The following FBXW11 variants were observed in gnomAD, a reference collection of about 807,000 sequenced individuals.
FBXW11 encodes the protein F-box and WD repeat domain containing 11.
In FBXW11, 19 loss-of-function variants were observed where a neutral mutation model predicts 77.6. That is an observed-to-expected ratio of 0.24 (90% CI 0.17 to 0.36). The LOEUF (loss-of-function observed/expected upper bound fraction) is 0.36, where lower values mean the gene tolerates loss of function less well. FBXW11 is among the 10% of genes least tolerant of loss of function. FBXW11 has a pLI of 1.00. For missense variants in FBXW11, 334 were observed against 704.2 expected (o/e 0.47, Z 5.95); for synonymous variants, 235 against 249.4 (o/e 0.94, Z 0.54).
chr5:171,958,399 CAAG>C (rs1221896268), intron 1 of FBXW11, among the ~76,000 whole-genome samples: 4 of 152,044 alleles, frequency 2.6e-5, no homozygotes. Flanking sequence ...GCAAAAAGAA[CAAG>C]AAAGATGGGT....
intron 7 of FBXW11, among the ~76,000 whole-genome samples, chr5:171,887,865 G>T (rs1759025057): frequency 6.6e-6 from 1 of 151,852 alleles, no homozygotes; most frequent in East Asian, 1.9e-4. Flanking sequence ...CACCATGTTG[G>T]CCAGGCTGGT....
intron 1 of FBXW11, among the ~76,000 whole-genome samples, chr5:171,998,991 G>A (rs1383466719): frequency 6.6e-6 from 1 of 152,038 alleles, no homozygotes; most frequent in Non-Finnish European, 1.5e-5. Flanking sequence ...TGTTCATATT[G>A]TAGGTAAGGC....
intron 7 of FBXW11, 72 bp downstream of exon 7, chr5:171,891,395 A>C: frequency 1.4e-6 from 2 of 1,386,506 alleles, no homozygotes; most frequent in Non-Finnish European, 1.9e-6. Flanking sequence ...GTAAATGGAA[A>C]GATTGTCACA....
intron 2 of FBXW11, among the ~76,000 whole-genome samples, chr5:171,951,642 C>A (rs1422427778): frequency 6.6e-6 from 1 of 152,046 alleles, no homozygotes; most frequent in Non-Finnish European, 1.5e-5. Context: ...AGGTGCATGC[C>A]ACCATACCTG....
At chr5:171,895,200 T>G (rs1235363308) in intron 6 of FBXW11, among the ~76,000 whole-genome samples, 1 of 152,192 alleles carries the variant, frequency 6.6e-6, no homozygotes, top group Non-Finnish European at 1.5e-5. Flanking sequence ...AGAGGAATAT[T>G]TCATGTTTTT....
chr5:171,903,159 C>T (rs566008028), intron 4 of FBXW11, among the ~76,000 whole-genome samples: 2 of 152,300 alleles, frequency 1.3e-5, no homozygotes, highest in South Asian at 4.1e-4. Flanking sequence ...TACAGTGGCA[C>T]AATCATGGCT....
At chr5:171,937,465 G>A (rs1390613049) in intron 2 of FBXW11, among the ~76,000 whole-genome samples, 4 of 152,124 alleles carry the variant, frequency 2.6e-5, no homozygotes, top group Admixed American at 1.3e-4. Flanking sequence ...CAACTCTTCT[G>A]TTATAGGATG....
At chr5:171,919,407 A>G (rs1044835097) in intron 2 of FBXW11, among the ~76,000 whole-genome samples, 4 of 152,216 alleles carry the variant, frequency 2.6e-5, no homozygotes, top group African/African-American at 9.6e-5. Context: ...ACTCCATCCC[A>G]ATATGTGATA....
At chr5:171,910,049 C>CA (rs1407942076) in intron 4 of FBXW11, among the ~76,000 whole-genome samples, 2 of 146,016 alleles carry the variant, frequency 1.4e-5, no homozygotes, top group Non-Finnish European at 3.0e-5. Context: ...CAGTTATGAC[C>CA]AATAATGAAC....
intron 2 of FBXW11, among the ~76,000 whole-genome samples, chr5:171,943,491 G>C (rs1054349079): frequency 1.3e-5 from 2 of 152,100 alleles, no homozygotes; most frequent in Non-Finnish European, 2.9e-5. Context: ...ACAGAGTCTC[G>C]CTCTGTCGCC....
intron 1 of FBXW11, among the ~76,000 whole-genome samples, chr5:171,958,062 G>A (rs1763710412): frequency 6.6e-6 from 1 of 152,164 alleles, no homozygotes; most frequent in Non-Finnish European, 1.5e-5. Context: ...TCTCGTCTAT[G>A]TCACATAACC....
intron 4 of FBXW11, among the ~76,000 whole-genome samples, chr5:171,910,003 A>G (rs1213127705): frequency 2.0e-5 from 3 of 152,014 alleles, no homozygotes; most frequent in Non-Finnish European, 2.9e-5. Flanking sequence ...AATAAAAAGC[A>G]TATCATTAAC....
intron 6 of FBXW11, among the ~76,000 whole-genome samples, chr5:171,898,659 C>G (rs752756679): frequency 4.6e-5 from 7 of 151,686 alleles, no homozygotes; most frequent in Admixed American, 6.6e-5. Context: ...AGAGATGGCT[C>G]AAAAATGTAA....
chr5:171,869,204 ATAT>A lies in FBXW11; in HGVS notation c.1531-411_1531-409del, dbSNP rs1403647439. ...CATCAAAATTCATGGTGAAATAATA[ATAT>A]AAGAGTTCCCATTAAAATCAAGAAG... On this transcript the variant is annotated intron_variant, in intron 12 of 13. Coordinates refer to ENST00000517395, the MANE Select transcript of FBXW11 (RefSeq NM_001378974.1). This position sits in a 1 kb window ranked among gnomAD's most constrained non-coding sequence, Gnocchi z 4.1. Among the ~76,000 whole-genome samples the A allele has an allele frequency of 1.3e-5, 2 of 152,248 alleles. No individual in the cohort carries two copies. Among genetic ancestry groups the A allele is most frequent in the African/African-American group, 4.8e-5 (2 of 41,468 alleles).
intron 1 of FBXW11, among the ~76,000 whole-genome samples, chr5:171,958,534 T>C (rs1331847749): frequency 6.6e-6 from 1 of 152,232 alleles, no homozygotes; most frequent in Admixed American, 6.5e-5. Flanking sequence ...TTTTAGACTT[T>C]GTTTACAAAG....
intron 2 of FBXW11, among the ~76,000 whole-genome samples, chr5:171,914,625 T>C (rs1761110618): frequency 6.6e-6 from 1 of 152,176 alleles, no homozygotes; most frequent in African/African-American, 2.4e-5. Context: ...CATAAAGTCA[T>C]TATTTACAAA....
intron 6 of FBXW11, among the ~76,000 whole-genome samples, chr5:171,897,251 G>A (rs1254656105): frequency 6.6e-6 from 1 of 152,160 alleles, no homozygotes; most frequent in Non-Finnish European, 1.5e-5. Context: ...GCTATTAGTG[G>A]TACATTACTT....
In FBXW11 at chr5:171,861,969, G is replaced by A. The variant is rs1421087342; in HGVS notation, c.*2158C>T. On this transcript the variant is annotated 3_prime_UTR_variant, in exon 14 of 14. Transcript: ENST00000517395. ...ATCCCAGAAAGTCAGAACTCCTTGG[G>A]TGCCAAAGTCCCCTGCTATAATTTA... The A allele has an allele frequency of 6.6e-6, 1 of 152,614 alleles. No homozygotes were observed. Among genetic ancestry groups the A allele is most frequent in the African/African-American group, 2.4e-5 (1 of 41,430 alleles). 9.5% of individuals were successfully genotyped at this position (152,614 alleles called of 1,614,324 possible).
intron 1 of FBXW11, among the ~76,000 whole-genome samples, chr5:171,961,313 C>A (rs990034943): frequency 2.0e-5 from 3 of 152,140 alleles, no homozygotes; most frequent in Non-Finnish European, 4.4e-5. Flanking sequence ...AGTTTCAAGA[C>A]GAGTGTTGTT....
Sources: gnomAD v4.1 joint callset for allele counts (sites outside exome capture counted in the v4.1 genomes callset) on GRCh38, gnomAD v4.1.1 for gene constraint, Gnocchi (gnomAD v3.1) non-coding constraint, MANE v1.5 for transcripts, NCBI Gene and HGNC (gene_info 2026-07-23, HGNC 2026-07-21) for gene names.